Variants in FHOD3 observed in about 807,000 individuals in gnomAD.
The protein encoded by FHOD3 is formin homology 2 domain containing 3.
FHOD3 carries 90 observed loss-of-function variants against 173.0 expected under a neutral mutation model. The ratio of observed to expected loss-of-function variants is 0.52; its 90% CI spans 0.44 to 0.62. FHOD3 has a LOEUF of 0.62. FHOD3 is among the 20% of genes least tolerant of loss of function. The probability of loss-of-function intolerance (pLI) is 0.00; values close to 1 mark genes in which losing one functional copy is unlikely to be tolerated. For missense variants in FHOD3, 1,945 were observed against 2,034.7 expected (o/e 0.96, Z 0.85); for synonymous variants, 828 against 823.0 (o/e 1.01, Z -0.10).
chr18:36,503,074 G>T (rs2146083869), intron 4 of FHOD3, among the ~76,000 whole-genome samples: 1 of 152,256 alleles, frequency 6.6e-6, no homozygotes, highest in Admixed American at 6.5e-5. Context: ...GTGCAAATCT[G>T]TCTTGGATTC....
intron 10 of FHOD3, among the ~76,000 whole-genome samples, chr18:36,634,946 A>C (rs534100517): frequency 1.1e-3 from 170 of 152,204 alleles, no homozygotes; most frequent in Admixed American, 4.4e-3. Flanking sequence ...ATGAGTGGCA[A>C]GTAGCTACTT....
At chr18:36,709,698 AACCTCTC>A (rs969795552) in intron 18 of FHOD3, 52 of 348,652 alleles carry the variant, frequency 1.5e-4, no homozygotes, top group Non-Finnish European at 2.5e-4. Context: ...CCAGAAGAGA[AACCTCTC>A]ACTTCCCCCT....
chr18:36,761,577 C>T (rs2150282830), intron 27 of FHOD3, among the ~76,000 whole-genome samples: 1 of 152,238 alleles, frequency 6.6e-6, no homozygotes, highest in South Asian at 2.1e-4. Flanking sequence ...GCTGCTCGTC[C>T]TAGAGTCCCC....
At chr18:36,454,918 C>G (rs1394713617) in intron 3 of FHOD3, among the ~76,000 whole-genome samples, 1 of 152,202 alleles carries the variant, frequency 6.6e-6, no homozygotes, top group African/African-American at 2.4e-5. Flanking sequence ...CCATAACTGA[C>G]TTGCTGCTTT....
intron 28 of FHOD3, chr18:36,779,063 C>A: frequency 5.1e-6 from 1 of 195,360 alleles, no homozygotes; most frequent in Non-Finnish European, 1.0e-5. Context: ...CTTCCCAGCT[C>A]TGATACACTC....
At chr18:36,746,050 GT>G (rs1283388678) in intron 23 of FHOD3, among the ~76,000 whole-genome samples, 2 of 151,770 alleles carry the variant, frequency 1.3e-5, no homozygotes, top group African/African-American at 4.8e-5. Flanking sequence ...GCCCTCTGAT[GT>G]ATTTTTTTCA....
At chr18:36,477,754 C>T (rs2053671817) in intron 3 of FHOD3, among the ~76,000 whole-genome samples, 1 of 152,142 alleles carries the variant, frequency 6.6e-6, no homozygotes, top group Admixed American at 6.5e-5. Flanking sequence ...CCCTGAGATG[C>T]TACAATCCAA....
intron 18 of FHOD3, among the ~76,000 whole-genome samples, chr18:36,715,206 T>C (rs1401082492): frequency 6.6e-6 from 1 of 152,222 alleles, no homozygotes; most frequent in Non-Finnish European, 1.5e-5. Context: ...AGGGACCAGG[T>C]GAAAATAATT....
rs188816594 is a variant in FHOD3 at position 36,729,056 on chromosome 18, C to T, written c.3418-1590C>T. Among the ~76,000 whole-genome samples the T allele has an allele frequency of 8.5e-5, 13 of 152,310 alleles. No homozygotes were observed. The East Asian group carries it at 2.5e-3, about 29-fold the overall frequency. ...TCCTAGACATTCTTTAGGGCCTAGC[C>T]CAAGGGTCAGCCCTTCCAGACCCTG... On this transcript the variant is annotated intron_variant, in intron 19 of 28. Coordinates refer to ENST00000590592, the MANE Select transcript of FHOD3 (RefSeq NM_001281740.3).
chr18:36,664,686 C>T (rs1176519148), intron 14 of FHOD3, among the ~76,000 whole-genome samples: 1 of 151,706 alleles, frequency 6.6e-6, no homozygotes, highest in Non-Finnish European at 1.5e-5. Flanking sequence ...CTACTCCCAT[C>T]TTTGCCATGG....
intron 5 of FHOD3, among the ~76,000 whole-genome samples, chr18:36,520,797 A>G (rs2056235118): frequency 6.6e-6 from 1 of 152,224 alleles, no homozygotes; most frequent in South Asian, 2.1e-4. Context: ...GGCCATTCCT[A>G]CACAGAGAGT....
At chr18:36,472,216 G>A (rs1416052045) in intron 3 of FHOD3, among the ~76,000 whole-genome samples, 1 of 152,146 alleles carries the variant, frequency 6.6e-6, no homozygotes, top group Non-Finnish European at 1.5e-5. Context: ...GCATCTGGTG[G>A]TGTTTTCGAT....
At chr18:36,357,928 A>G (rs561585747) in intron 2 of FHOD3, among the ~76,000 whole-genome samples, 4 of 152,330 alleles carry the variant, frequency 2.6e-5, no homozygotes, top group African/African-American at 9.6e-5. Flanking sequence ...AAGTGCTAAT[A>G]TATTGATAAA....
intron 20 of FHOD3, among the ~76,000 whole-genome samples, chr18:36,734,172 AT>A (rs1037783832): frequency 1.3e-5 from 2 of 152,184 alleles, no homozygotes; most frequent in South Asian, 2.1e-4. Flanking sequence ...CCTTACTGAG[AT>A]TTTATTGCAT....
intron 4 of FHOD3, among the ~76,000 whole-genome samples, chr18:36,506,459 G>A (rs1410571754): frequency 6.6e-6 from 1 of 152,160 alleles, no homozygotes; most frequent in Non-Finnish European, 1.5e-5. Context: ...TGACTTTGAA[G>A]GATTCTGTAT....
chr18:36,505,269 G>A (rs1048816224), intron 4 of FHOD3, among the ~76,000 whole-genome samples: 4 of 152,370 alleles, frequency 2.6e-5, no homozygotes, highest in Admixed American at 2.0e-4. Flanking sequence ...TATACCTATA[G>A]CACAGAATGA....
At chr18:36,394,159 T>A (rs2146531472) in intron 3 of FHOD3, among the ~76,000 whole-genome samples, 1 of 152,240 alleles carries the variant, frequency 6.6e-6, no homozygotes, top group Non-Finnish European at 1.5e-5. Context: ...GAGGGAGACC[T>A]GGATTTTCTG....
chr18:36,586,399 T>C (rs1217629370), intron 6 of FHOD3, among the ~76,000 whole-genome samples: 2 of 152,248 alleles, frequency 1.3e-5, no homozygotes, highest in Non-Finnish European at 2.9e-5. Flanking sequence ...AATTTCATTC[T>C]GCATATACTA....
intron 9 of FHOD3, among the ~76,000 whole-genome samples, chr18:36,612,761 T>A (rs771454464): frequency 2.6e-5 from 4 of 152,240 alleles, no homozygotes; most frequent in Non-Finnish European, 4.4e-5. Context: ...GTAGGCAGAA[T>A]CAGCCAAATT....
Sources: allele counts gnomAD v4.1 joint callset (sites outside exome capture counted in the v4.1 genomes callset), GRCh38; gene constraint gnomAD v4.1.1; transcripts MANE v1.5; gene names NCBI Gene and HGNC (gene_info 2026-07-23, HGNC 2026-07-21).